Variants in PRR16 observed in about 807,000 individuals in gnomAD.
PRR16 encodes protein Largen.
In PRR16, 6 loss-of-function variants were observed where a neutral mutation model predicts 18.2. That is an observed-to-expected ratio of 0.33 (90% CI 0.18 to 0.65). The LOEUF is 0.65. PRR16 is among the 30% of genes least tolerant of loss of function. The pLI, the probability that PRR16 is intolerant of heterozygous loss-of-function variation, is 0.74. For missense variants in PRR16, 412 were observed against 376.6 expected, an observed-to-expected ratio of 1.09 and a Z score of -0.78; for synonymous variants, 151 against 147.8, an observed-to-expected ratio of 1.02 and a Z score of -0.16.
chr5:120,486,920 C>T (rs373709310), intron 1 of PRR16, among the ~76,000 whole-genome samples: 9 of 151,776 alleles, frequency 5.9e-5, no homozygotes, highest in East Asian at 1.9e-4. Flanking sequence ...TCCCCATTTC[C>T]TGTTTTTGTC....
chr5:120,713,824 A>T, the PRR16 span, among the ~76,000 whole-genome samples: 3 of 152,194 alleles, frequency 2.0e-5, no homozygotes, highest in Non-Finnish European at 2.9e-5. Context: ...GTAATAGTAC[A>T]ATTAATAAAT....
chr5:120,688,803 A>G (rs1337303769), downstream of PRR16, among the ~76,000 whole-genome samples: 15 of 152,208 alleles, frequency 9.9e-5, no homozygotes, highest in East Asian at 2.3e-3. Flanking sequence ...CACCTACAGA[A>G]CAGATAATTT....
At chr5:120,701,591 G>T in the PRR16 span, among the ~76,000 whole-genome samples, 1 of 152,176 alleles carries the variant, frequency 6.6e-6, no homozygotes, top group African/African-American at 2.4e-5. Context: ...AGATTATAGG[G>T]TGGAGGAGCA....
At chr5:120,576,457 A>G (rs116403983) in intron 1 of PRR16, among the ~76,000 whole-genome samples, 542 of 152,304 alleles carry the variant, frequency 3.6e-3, no homozygotes, top group African/African-American at 0.012. Flanking sequence ...AATTAAAACT[A>G]CAATGAGACA....
the PRR16 span, among the ~76,000 whole-genome samples, chr5:120,792,903 G>A: frequency 6.6e-6 from 1 of 152,180 alleles, no homozygotes; most frequent in South Asian, 2.1e-4. Flanking sequence ...TGTTAATCCA[G>A]AACTTCGAGA....
At chr5:120,575,048 G>A (rs1427182247) in intron 1 of PRR16, among the ~76,000 whole-genome samples, 1 of 137,130 alleles carries the variant, frequency 7.3e-6, no homozygotes, top group Admixed American at 6.8e-5. Flanking sequence ...TTATTATAGT[G>A]TTGTAGCCTT....
the PRR16 span, among the ~76,000 whole-genome samples, chr5:120,779,406 GAAAACAAAACAAAAC>G: frequency 6.6e-6 from 1 of 151,916 alleles, no homozygotes; most frequent in East Asian, 1.9e-4. Flanking sequence ...CTTTTTCAGG[GAAAACAAAACAAAAC>G]AAAACAAAAA....
intron 1 of PRR16, among the ~76,000 whole-genome samples, chr5:120,506,780 G>C (rs1478137448): frequency 2.0e-5 from 3 of 151,710 alleles, no homozygotes; most frequent in African/African-American, 7.3e-5. Context: ...TGTCACATCA[G>C]TTTCCAGGCC....
Position 120,486,962 on chromosome 5 carries a change from T to C in PRR16, c.159+22317T>C, listed in dbSNP as rs1342155798. Among the ~76,000 whole-genome samples, 13 of 152,316 alleles carry C rather than the reference T, an allele frequency of 8.5e-5. 1 individual carries two copies. Among genetic ancestry groups the C allele is most frequent in the Admixed American group, 6.5e-4 (10 of 15,304 alleles). ...GTCAAAGATCAGATAGTTGTAGATA[T>C]GTGGCATTATTTCTGAGGGCTCTGT... On this transcript the variant is annotated intron_variant, in intron 1 of 1. Transcript: ENST00000407149.
At chr5:120,680,320 T>G (rs1407005036) in intron 1 of PRR16, among the ~76,000 whole-genome samples, 1 of 152,162 alleles carries the variant, frequency 6.6e-6, no homozygotes. Flanking sequence ...ACCTACTGAA[T>G]ATATCTTTTT....
intron 1 of PRR16, among the ~76,000 whole-genome samples, chr5:120,660,850 A>C (rs1275633119): frequency 6.6e-6 from 1 of 152,132 alleles, no homozygotes; most frequent in Admixed American, 6.6e-5. Flanking sequence ...AAAGCAAAAA[A>C]AGGATTTGAA....
At chr5:120,572,354 G>C (rs1279194697) in intron 1 of PRR16, among the ~76,000 whole-genome samples, 1 of 152,110 alleles carries the variant, frequency 6.6e-6, no homozygotes, top group Non-Finnish European at 1.5e-5. Context: ...TTCTAAGTTT[G>C]GCTAATGAAT....
At chr5:120,575,720 TC>T (rs1291371129) in intron 1 of PRR16, among the ~76,000 whole-genome samples, 1 of 152,300 alleles carries the variant, frequency 6.6e-6, no homozygotes, top group African/African-American at 2.4e-5. Context: ...GAAAAAGCTT[TC>T]TCTCTAAGAT....
chr5:120,761,916 C>T, the PRR16 span, among the ~76,000 whole-genome samples: 5 of 152,052 alleles, frequency 3.3e-5, no homozygotes, highest in Non-Finnish European at 5.9e-5. Flanking sequence ...TCATTCTATT[C>T]TCTACCTCCA....
the PRR16 span, among the ~76,000 whole-genome samples, chr5:120,744,224 G>A: frequency 6.6e-6 from 1 of 152,160 alleles, no homozygotes; most frequent in South Asian, 2.1e-4. Flanking sequence ...AAGTTGGTAT[G>A]TGAAAGCGCT....
intron 1 of PRR16, among the ~76,000 whole-genome samples, chr5:120,475,753 C>T (rs1266136060): frequency 1.3e-5 from 2 of 152,042 alleles, no homozygotes; most frequent in South Asian, 2.1e-4. Context: ...TAAAAATAAA[C>T]CCAGAAAAAT....
At chr5:120,765,227 C>CCTTACATAT in the PRR16 span, among the ~76,000 whole-genome samples, 2 of 151,786 alleles carry the variant, frequency 1.3e-5, no homozygotes, top group Admixed American at 6.6e-5. Context: ...AAATATTTTC[C>CCTTACATAT]CTTACATATC....
intron 1 of PRR16, among the ~76,000 whole-genome samples, chr5:120,612,722 T>A: frequency 6.6e-6 from 1 of 152,168 alleles, no homozygotes; most frequent in Non-Finnish European, 1.5e-5. Flanking sequence ...GAAAACAGAC[T>A]AATACACATA....
At chr5:120,511,806 C>T (rs889907054) in intron 1 of PRR16, among the ~76,000 whole-genome samples, 37 of 152,082 alleles carry the variant, frequency 2.4e-4, no homozygotes, top group African/African-American at 6.8e-4. Context: ...AGTTTAGTGT[C>T]GAATAACAAG....
Sources: gnomAD v4.1 joint callset for allele counts (sites outside exome capture counted in the v4.1 genomes callset) on GRCh38, gnomAD v4.1.1 for gene constraint, MANE v1.5 for transcripts, NCBI Gene and HGNC (gene_info 2026-07-23, HGNC 2026-07-21) for gene names.